The following WNK2 variants were observed in gnomAD, a reference collection of about 807,000 sequenced individuals.
WNK2 encodes the protein WNK lysine deficient protein kinase 2.
A neutral mutation model predicts 192.1 loss-of-function variants in WNK2; 67 were observed. The observed-to-expected ratio is 0.35, with a 90% CI of 0.29 to 0.43. The LOEUF (loss-of-function observed/expected upper bound fraction) is 0.43, where lower values mean the gene tolerates loss of function less well. Ranked by LOEUF, WNK2 falls within the 20% of genes least tolerant of loss-of-function variation. The probability of loss-of-function intolerance (pLI) is 1.00; values close to 1 mark genes in which losing one functional copy is unlikely to be tolerated. For synonymous variants in WNK2, 1,439 were observed against 1,393.9 expected (o/e 1.03, Z -0.72); for missense variants, 2,698 against 3,089.7 (o/e 0.87, Z 3.01).
intron 26 of WNK2, chr9:93,306,511 T>C: frequency 2.3e-6 from 1 of 441,150 alleles, no homozygotes; most frequent in Non-Finnish European, 4.0e-6. Context: ...TTTCTTAGAA[T>C]ATGCTTCTAG....
chr9:93,190,032 G>C (rs1232553746), intron 2 of WNK2, among the ~76,000 whole-genome samples: 2 of 152,228 alleles, frequency 1.3e-5, no homozygotes, highest in Non-Finnish European at 2.9e-5. Flanking sequence ...ATTCTCTGAA[G>C]TGCTTAATTT....
chr9:93,306,929 G>A, intron 27 of WNK2, 108 bp downstream of exon 27: 1 of 1,402,980 alleles, frequency 7.1e-7, no homozygotes, highest in Non-Finnish European at 1.0e-6. Context: ...CCTGCCCTGT[G>A]CCTGCCCCGC....
chr9:93,318,850 T>G (rs1855173232), intron 29 of WNK2: 2 of 1,398,852 alleles, frequency 1.4e-6, no homozygotes, highest in Non-Finnish European at 1.9e-6. Flanking sequence ...GGCCCCAGCC[T>G]CCTCCACCTC....
At chr9:93,252,626 C>G (rs1842743474) in intron 8 of WNK2, among the ~76,000 whole-genome samples, 2 of 152,194 alleles carry the variant, frequency 1.3e-5, no homozygotes, top group Admixed American at 6.5e-5. Flanking sequence ...GGGTACCTGC[C>G]TTGTGGGAGG....
At chr9:93,203,222 C>T (rs2131311989) in intron 2 of WNK2, among the ~76,000 whole-genome samples, 1 of 152,280 alleles carries the variant, frequency 6.6e-6, no homozygotes, top group Admixed American at 6.5e-5. Context: ...GGACCTTGAG[C>T]TGCAATGAGG....
intron 18 of WNK2, among the ~76,000 whole-genome samples, chr9:93,268,300 T>C (rs1364954839): frequency 6.6e-6 from 1 of 152,178 alleles, no homozygotes; most frequent in Non-Finnish European, 1.5e-5. Context: ...CGAGGGGTCC[T>C]CTCGGGAGCT....
At chr9:93,243,677 G>C (rs1442809913) in intron 7 of WNK2, among the ~76,000 whole-genome samples, 1 of 152,190 alleles carries the variant, frequency 6.6e-6, no homozygotes, top group African/African-American at 2.4e-5. Flanking sequence ...CTCACTCCCC[G>C]GGAACAGCTT....
chr9:93,317,235 A>T, intron 28 of WNK2: 1 of 546,244 alleles, frequency 1.8e-6, no homozygotes. Flanking sequence ...CTCAGGGTCC[A>T]GGCCCCACTA....
chr9:93,314,082 C>T (rs909546468), intron 28 of WNK2, among the ~76,000 whole-genome samples: 1 of 151,062 alleles, frequency 6.6e-6, no homozygotes, highest in African/African-American at 2.4e-5. Flanking sequence ...ACTAGCCTGG[C>T]CAACATGGTG....
rs1288709149 is a variant in WNK2, at chr9:93,239,902, C to G, written c.1468C>G (p.Pro490Ala). Reference sequence around the variant, plus strand: ...AGACCCCAAGAAACTGAAGGGAAAGCCCAAGGACAATGGAGCCATAGAGTT... The same window carrying G: ...AGACCCCAAGAAACTGAAGGGAAAGGCCAAGGACAATGGAGCCATAGAGTT... ...VEDPKKLKGKPKDNGAIEFTF... is the reference protein window; with the variant it reads ...VEDPKKLKGKAKDNGAIEFTF... Residue 490 changes from proline to alanine, a missense_variant, in exon 7 of 30, where the codon CCC (proline) becomes GCC (alanine). Physicochemically the swap from Pro to Ala is conservative, Grantham distance 27. Transcript: ENST00000427277. This position sits in a 1 kb window ranked among gnomAD's most constrained non-coding sequence, Gnocchi z 4.2. The G allele has an allele frequency of 6.2e-7, 1 of 1,611,482 alleles. No homozygotes were observed. The highest frequency in any genetic ancestry group is 1.3e-5 in the African/African-American group (1 of 74,896).
intron 29 of WNK2, chr9:93,318,173 C>T (rs1296280719): frequency 8.7e-6 from 13 of 1,496,792 alleles, no homozygotes; most frequent in South Asian, 4.1e-5. Context: ...AAAAAATTAT[C>T]GGAAAAGGTT....
chr9:93,274,237 A>G (rs1449680945), intron 19 of WNK2, among the ~76,000 whole-genome samples: 1 of 152,220 alleles, frequency 6.6e-6, no homozygotes, highest in Non-Finnish European at 1.5e-5. Context: ...AAGAAAGCAC[A>G]TAAGGCCGGG....
At position 93,293,025 on chromosome 9, in the gene WNK2, G is replaced by A; in HGVS notation, c.5560G>A (p.Gly1854Ser). 1 of 1,603,318 alleles carries A rather than the reference G, an allele frequency of 6.2e-7. No individual in the cohort carries two copies. Among genetic ancestry groups the A allele is most frequent in the Non-Finnish European group, 8.5e-7 (1 of 1,175,358 alleles). The change falls in exon 23 of 30, where the codon GGC becomes AGC. Residue 1854 changes from glycine to serine, a missense_variant. By Grantham distance (56) the Gly-to-Ser change is moderately conservative. Transcript: ENST00000427277. ...GAGGCCTTCTCGGGCCGGCTCGCTGGGCCCCGAGACACCCAGCAGGGTGGG... is the reference window on the plus strand; with the variant it reads ...GAGGCCTTCTCGGGCCGGCTCGCTGAGCCCCGAGACACCCAGCAGGGTGGG... The part of the protein sequence containing the change: ...LQRPSRAGSL[G>S]PETPSRVGMK...
At chr9:93,192,262 G>A (rs775703326) in intron 2 of WNK2, among the ~76,000 whole-genome samples, 6 of 151,860 alleles carry the variant, frequency 4.0e-5, no homozygotes, top group East Asian at 1.9e-4. Context: ...TGAGTGAGCC[G>A]AGATCGCACC....
intron 2 of WNK2, among the ~76,000 whole-genome samples, chr9:93,199,829 G>A (rs1011059190): frequency 6.7e-6 from 1 of 149,968 alleles, no homozygotes; most frequent in African/African-American, 2.5e-5. Context: ...AACCTGGGAG[G>A]CAGAGCTTGC....
At chr9:93,203,588 C>T (rs985524610) in intron 2 of WNK2, among the ~76,000 whole-genome samples, 11 of 152,196 alleles carry the variant, frequency 7.2e-5, no homozygotes, top group East Asian at 3.9e-4. Context: ...CCACTGCACT[C>T]GGCAGAGGTG....
rs771875411 is a variant in WNK2, at chr9:93,259,137, C to A, written c.2589C>A (p.His863Gln). The A allele has an allele frequency of 1.8e-5, 29 of 1,610,318 alleles. No individual in the cohort carries two copies. Among genetic ancestry groups the A allele is most frequent in the Non-Finnish European group, 2.3e-5 (27 of 1,178,002 alleles). ...ALPLQAVKLP[H>Q]PPGAPLAMPC... ...CTCTGCAGGCTGTGAAGCTGCCCCA[C>A]CCCCCTGGGGCGCCCCTGGCCATGC... Residue 863 changes from histidine to glutamine, a missense_variant, in exon 12 of 30, where the codon CAC becomes CAA. Physicochemically the swap from His to Gln is conservative, Grantham distance 24. Around this residue, in one of 7 missense-constraint regions of WNK2, gnomAD observed 893 missense variants for 909.0 expected, o/e 0.98. Transcript: ENST00000427277. The surrounding 1 kb of genome is among the most constrained non-coding windows in gnomAD (Gnocchi z 4.8).
intron 8 of WNK2, among the ~76,000 whole-genome samples, chr9:93,249,869 C>G (rs1338932283): frequency 6.8e-6 from 1 of 146,310 alleles, no homozygotes; most frequent in Non-Finnish European, 1.5e-5. Context: ...GGTAGCAAAT[C>G]ACTTCATTGT....
Position 93,317,502 on chromosome 9 carries a change from C to T in WNK2, c.6517-18C>T, listed in dbSNP as rs746367079. 3.1e-6 allele frequency: 5 copies of T among 1,612,472 alleles called. No homozygotes were observed. Among genetic ancestry groups the T allele is most frequent in the Admixed American group, 1.7e-5 (1 of 59,950 alleles). On this transcript the variant is annotated intron_variant, in intron 28 of 29. Coordinates refer to ENST00000427277, the MANE Select transcript of WNK2 (RefSeq NM_006648.4). ...GCAGCCACGTGTACCTTCCTCTTCTCGTCTCTGTGTTTTGTAGATGACCGC... is the reference window on the plus strand; with the variant it reads ...GCAGCCACGTGTACCTTCCTCTTCTTGTCTCTGTGTTTTGTAGATGACCGC...
Sources: gnomAD v4.1 joint callset for allele counts (sites outside exome capture counted in the v4.1 genomes callset) on GRCh38, gnomAD v4.1.1 for gene constraint, gnomAD v4.1.1 regional missense constraint, Gnocchi (gnomAD v3.1) non-coding constraint, MANE v1.5 for transcripts, NCBI Gene and HGNC (gene_info 2026-07-23, HGNC 2026-07-21) for gene names.